STK33: variants seen among roughly 807,000 people sequenced by gnomAD.
STK33 encodes the protein serine/threonine-protein kinase 33.
In STK33, 52 loss-of-function variants were observed where a neutral mutation model predicts 58.0. The observed-to-expected ratio is 0.90, with a 90% CI of 0.72 to 1.13. The LOEUF is 1.13. STK33 is among the 50% of genes most tolerant of loss of function. The probability of loss-of-function intolerance (pLI) is 0.00; values close to 1 mark genes in which losing one functional copy is unlikely to be tolerated. For synonymous variants in STK33, 215 were observed against 200.1 expected (o/e 1.07, Z -0.63); for missense variants, 630 against 604.2 (o/e 1.04, Z -0.45).
the STK33 span, among the ~76,000 whole-genome samples, chr11:8,380,874 T>TA: frequency 6.6e-6 from 1 of 152,180 alleles, no homozygotes; most frequent in East Asian, 1.9e-4. Context: ...AAAAATGTGG[T>TA]ATATATACAC....
chr11:8,561,071 T>C (rs959980259), intron 1 of STK33, among the ~76,000 whole-genome samples: 1 of 152,202 alleles, frequency 6.6e-6, no homozygotes, highest in Non-Finnish European at 1.5e-5. Flanking sequence ...CATTTTCTTC[T>C]GTTTTCATAC....
intron 14 of STK33, chr11:8,434,246 C>CAAA (rs11330436): frequency 2.5e-4 from 24 of 94,210 alleles, no homozygotes; most frequent in African/African-American, 7.4e-4. Context: ...GACTCCGTCT[C>CAAA]AAAAAAAAAA....
chr11:8,447,041 A>C (rs1945567109), intron 11 of STK33, among the ~76,000 whole-genome samples: 1 of 152,232 alleles, frequency 6.6e-6, no homozygotes, highest in South Asian at 2.1e-4. Flanking sequence ...AACCTAGAGA[A>C]TGGGAGAAAG....
chr11:8,499,177 T>A (rs1951306805), intron 1 of STK33, among the ~76,000 whole-genome samples: 1 of 152,174 alleles, frequency 6.6e-6, no homozygotes, highest in Admixed American at 6.5e-5. Flanking sequence ...TTTTGCAATC[T>A]ACCTATCTGA....
At chr11:8,572,008 AT>A (rs1957853942) in intron 1 of STK33, among the ~76,000 whole-genome samples, 13 of 149,324 alleles carry the variant, frequency 8.7e-5, no homozygotes, top group South Asian at 2.1e-4. Flanking sequence ...AAAAATTTAA[AT>A]TAAAATTAAA....
chr11:8,523,781 GA>G (rs1953767042), intron 1 of STK33, among the ~76,000 whole-genome samples: 1 of 152,118 alleles, frequency 6.6e-6, no homozygotes, highest in African/African-American at 2.4e-5. Context: ...GGGAAGTGAG[GA>G]GCCCCTCTGC....
At chr11:8,553,747 C>T (rs1442023240) in intron 1 of STK33, among the ~76,000 whole-genome samples, 1 of 152,022 alleles carries the variant, frequency 6.6e-6, no homozygotes, top group African/African-American at 2.4e-5. Context: ...AAATGAACAT[C>T]CACATGCAGA....
intron 7 of STK33, among the ~76,000 whole-genome samples, chr11:8,463,406 C>T (rs1947808984): frequency 2.0e-5 from 3 of 152,184 alleles, no homozygotes; most frequent in Admixed American, 1.3e-4. Context: ...GCTGATCTGA[C>T]AGGAGGCAGA....
chr11:8,422,906 C>T (rs1258107459), intron 14 of STK33, among the ~76,000 whole-genome samples: 1 of 151,560 alleles, frequency 6.6e-6, no homozygotes, highest in African/African-American at 2.4e-5. Flanking sequence ...GTCACTGCAG[C>T]CTCCGCTCTC....
intron 1 of STK33, among the ~76,000 whole-genome samples, chr11:8,494,610 G>A (rs1333448712): frequency 4.6e-5 from 7 of 152,036 alleles, no homozygotes; most frequent in East Asian, 3.9e-4. Flanking sequence ...AAGTTCATAC[G>A]GAACCAAAAA....
intron 1 of STK33, among the ~76,000 whole-genome samples, chr11:8,591,180 C>T (rs1429544596): frequency 6.6e-6 from 1 of 152,158 alleles, no homozygotes; most frequent in African/African-American, 2.4e-5. Context: ...TCCCTTACAG[C>T]AGTATAAGCT....
chr11:8,463,248 AG>A, intron 7 of STK33, among the ~76,000 whole-genome samples: 1 of 152,270 alleles, frequency 6.6e-6, no homozygotes, highest in Non-Finnish European at 1.5e-5. Context: ...GTTGCGGGAG[AG>A]GGCATGGTTT....
At chr11:8,586,821 C>CT (rs1295825809) in intron 1 of STK33, among the ~76,000 whole-genome samples, 5 of 34,234 alleles carry the variant, frequency 1.5e-4, no homozygotes, top group Non-Finnish European at 9.9e-5. Context: ...AAGACTCTGT[C>CT]TAAAAAAAAA....
intron 7 of STK33, among the ~76,000 whole-genome samples, chr11:8,462,489 A>G (rs929848638): frequency 3.3e-5 from 5 of 150,918 alleles, no homozygotes; most frequent in African/African-American, 1.2e-4. Flanking sequence ...ATATATATGT[A>G]TGTATGAAAA....
chr11:8,380,663 G>T, the STK33 span, among the ~76,000 whole-genome samples: 1 of 152,052 alleles, frequency 6.6e-6, no homozygotes, highest in South Asian at 2.1e-4. Flanking sequence ...AATTAGTACG[G>T]CCCCTATGGA....
chr11:8,509,415 G>A (rs1020575314), intron 1 of STK33, among the ~76,000 whole-genome samples: 14 of 152,106 alleles, frequency 9.2e-5, no homozygotes, highest in African/African-American at 1.7e-4. Flanking sequence ...AATAAAATAC[G>A]GGTAGGGTTT....
intron 15 of STK33, among the ~76,000 whole-genome samples, chr11:8,407,434 A>G (rs766951264): frequency 1.3e-4 from 20 of 152,162 alleles, no homozygotes; most frequent in Non-Finnish European, 2.5e-4. Flanking sequence ...TCAAAGATTT[A>G]GAAGAATTAG....
At chr11:8,446,256 G>C (rs1469122250) in intron 11 of STK33, among the ~76,000 whole-genome samples, 1 of 128,228 alleles carries the variant, frequency 7.8e-6, no homozygotes, top group African/African-American at 3.1e-5. Flanking sequence ...GTGTCTATTT[G>C]ATTCTTCTCT....
chr11:8,422,152 A>C (rs1160967094), intron 14 of STK33, among the ~76,000 whole-genome samples: 1 of 152,082 alleles, frequency 6.6e-6, no homozygotes, highest in Non-Finnish European at 1.5e-5. Context: ...CAGGTTAAGG[A>C]AGTTTTCTTT....
Sources: gnomAD v4.1 joint callset for allele counts (sites outside exome capture counted in the v4.1 genomes callset) on GRCh38, gnomAD v4.1.1 for gene constraint, MANE v1.5 for transcripts, NCBI Gene and HGNC (gene_info 2026-07-23, HGNC 2026-07-21) for gene names.